Variants in BAIAP2 observed in about 807,000 individuals in gnomAD.
BAIAP2 encodes BAR/IMD domain-containing adapter protein 2.
In BAIAP2, 18 loss-of-function variants were observed where a neutral mutation model predicts 63.0. The observed-to-expected ratio is 0.29, with a 90% confidence interval of 0.20 to 0.42. The LOEUF (loss-of-function observed/expected upper bound fraction) is 0.42. BAIAP2 is among the 10% of genes least tolerant of loss of function. The pLI is 1.00. For synonymous variants in BAIAP2, 386 were observed against 307.6 expected, an observed-to-expected ratio of 1.25 and a Z score of -2.67; for missense variants, 610 against 734.3, an observed-to-expected ratio of 0.83 and a Z score of 1.96.
rs749795702 is a variant in BAIAP2, at chr17:81,116,228, A to G, written c.*389A>G. On this transcript the variant is annotated 3_prime_UTR_variant, in exon 14 of 14. Transcript: ENST00000428708. ...CTAATAAACAGGCTTCTCCTGCACC[A>G]GGTGTGATCTGTCCGCCCAAGGGCC... 2.3e-5 allele frequency: 37 copies of G among 1,612,484 alleles called. No homozygotes were observed. Among genetic ancestry groups the G allele is most frequent in the Non-Finnish European group, 3.1e-5 (36 of 1,179,872 alleles).
chr17:81,086,633 A>ACCCCTCGGCC (rs1270088089), intron 6 of BAIAP2, 53 bp downstream of exon 6: 18 of 1,602,178 alleles, frequency 1.1e-5, no homozygotes, highest in Non-Finnish European at 1.5e-5. Flanking sequence ...GGGACTGCTC[A>ACCCCTCGGCC]CCCCTCGGCC....
At chr17:81,068,681 C>T (rs903768444) in intron 3 of BAIAP2, among the ~76,000 whole-genome samples, 3 of 152,184 alleles carry the variant, frequency 2.0e-5, no homozygotes, top group Non-Finnish European at 4.4e-5. Flanking sequence ...GAGGGTGCCC[C>T]CAAGCCTGGT....
At chr17:81,089,720 G>A (rs1220713171) in intron 6 of BAIAP2, among the ~76,000 whole-genome samples, 1 of 152,302 alleles carries the variant, frequency 6.6e-6, no homozygotes, top group Non-Finnish European at 1.5e-5. Context: ...TCAGGAATGA[G>A]GGCAGCATTC....
rs568367091 is a variant in BAIAP2, at chr17:81,092,943, G to T, written c.489+6363G>T. On this transcript the variant is annotated intron_variant, in intron 6 of 13. Coordinates refer to ENST00000428708, the MANE Select transcript of BAIAP2 (RefSeq NM_001144888.2). ...AGAGGGGTGTGGCTGTGTCCACAGG[G>T]CCCGGAATGGGGCTGAGAGCAGAGC... Among the ~76,000 whole-genome samples the T allele has an allele frequency of 4.6e-5, 7 of 152,218 alleles. No homozygotes were observed. In the South Asian group the frequency reaches 1.0e-3, roughly 23 times the overall value.
Position 81,100,889 on chromosome 17 carries a change from G to C in BAIAP2, c.642+809G>C, listed in dbSNP as rs558538737. Among the ~76,000 whole-genome samples the C allele has an allele frequency of 7.9e-5, 12 of 152,220 alleles. No individual in the cohort carries two copies. The East Asian group carries it at 2.3e-3, about 29-fold the overall frequency. On this transcript the variant is annotated intron_variant, in intron 7 of 13. Transcript: ENST00000428708. ...GGTGACCTGTGCCTCTACCACCTCT[G>C]CCTGCACCCCTGAGCCACTGTGGTC...
Position 81,090,760 on chromosome 17 carries a change from C to G in BAIAP2, c.489+4180C>G, listed in dbSNP as rs1487366361. On this transcript the variant is annotated intron_variant, in intron 6 of 13. Transcript: ENST00000428708. ...CCCCGAGCTGCGGGGAGGCTGCGGC[C>G]ACCATCCTGGGGTGAGTGCCATGTG... Among the ~76,000 whole-genome samples the G allele has an allele frequency of 2.7e-5, 4 of 146,314 alleles. No individual in the cohort carries two copies. In the East Asian group the frequency reaches 8.1e-4, roughly 29 times the overall value.
intron 13 of BAIAP2, among the ~76,000 whole-genome samples, chr17:81,113,213 C>T (rs1288352422): frequency 2.6e-5 from 4 of 152,204 alleles, no homozygotes; most frequent in East Asian, 3.8e-4. Context: ...CCACACATGA[C>T]GCAGGCCCTC....
Position 81,116,317 on chromosome 17 carries a change from G to C in BAIAP2, c.*478G>C. ...TGGCTGGAAGATGAACTTCCCGTAA[G>C]CACGTAATTCCCTGCAGGTCCGGCA... is the stretch of plus-strand genomic sequence containing the variant. On this transcript the variant is annotated 3_prime_UTR_variant, in exon 14 of 14. Coordinates refer to ENST00000428708, the MANE Select transcript of BAIAP2 (RefSeq NM_001144888.2). 1.2e-6 allele frequency: 2 copies of C among 1,612,742 alleles called. No homozygotes were observed. The highest frequency in any genetic ancestry group is 1.7e-6 in the Non-Finnish European group (2 of 1,179,896).
In BAIAP2 at chr17:81,112,537, G is replaced by A. The variant is rs182315319; in HGVS notation, c.1536-3233G>A. 6.5e-4 allele frequency among the ~76,000 whole-genome samples: 99 copies of A among 152,362 alleles called. No individual in the cohort carries two copies. The East Asian group carries it at 0.013, about 20-fold the overall frequency. On this transcript the variant is annotated intron_variant, in intron 13 of 13. Transcript: ENST00000428708. ...AGTGGAGGGGCGAGCGTCCCTGGCC[G>A]CTGTCCATACTCGTCAGCGGAGGCC...
intron 7 of BAIAP2, among the ~76,000 whole-genome samples, chr17:81,101,026 CTG>C (rs2058412115): frequency 6.6e-6 from 1 of 152,128 alleles, no homozygotes; most frequent in African/African-American, 2.4e-5. Context: ...ACTCTTGGCC[CTG>C]TGTTTCCCGC....
intron 6 of BAIAP2, among the ~76,000 whole-genome samples, chr17:81,090,886 G>C (rs970490616): frequency 1.6e-4 from 25 of 152,222 alleles, no homozygotes; most frequent in African/African-American, 6.0e-4. Context: ...AACCCGGCCA[G>C]CGGGCTCTGT....
chr17:81,043,259 C>A (rs2047334561), intron 1 of BAIAP2, among the ~76,000 whole-genome samples: 1 of 152,240 alleles, frequency 6.6e-6, no homozygotes, highest in African/African-American at 2.4e-5. Flanking sequence ...CCCGTTTTTC[C>A]AGCCCCCTCT....
intron 2 of BAIAP2, among the ~76,000 whole-genome samples, chr17:81,055,629 T>C (rs1296271049): frequency 1.4e-5 from 2 of 140,238 alleles, no homozygotes; most frequent in East Asian, 2.2e-4. Flanking sequence ...GCAGTGGCGC[T>C]ATCTTGGCTC....
intron 3 of BAIAP2, among the ~76,000 whole-genome samples, chr17:81,072,580 G>A (rs766562585): frequency 1.3e-5 from 2 of 152,202 alleles, no homozygotes; most frequent in Admixed American, 6.5e-5. Context: ...GCCCCTGTCC[G>A]AGAAGGAGGC....
chr17:81,104,495 C>A lies in BAIAP2; in HGVS notation c.1067-19C>A, dbSNP rs372390539. On this transcript the variant is annotated intron_variant, in intron 9 of 13. Coordinates refer to ENST00000428708, the MANE Select transcript of BAIAP2 (RefSeq NM_001144888.2). ...CGCCAGCCAGGGGCAGTCCCCTTACCTGTCCCTTGTCCCAGCAGCCGAGAA... is the reference window on the plus strand; with the variant it reads ...CGCCAGCCAGGGGCAGTCCCCTTACATGTCCCTTGTCCCAGCAGCCGAGAA... 7.0e-6 allele frequency: 11 copies of A among 1,578,018 alleles called. No individual in the cohort carries two copies. In the African/African-American group the frequency reaches 1.1e-4, roughly 15 times the overall value.
chr17:81,080,616 T>C (rs555523627), intron 3 of BAIAP2, among the ~76,000 whole-genome samples: 1 of 152,376 alleles, frequency 6.6e-6, no homozygotes, highest in South Asian at 2.1e-4. Context: ...GATTTGTTGT[T>C]GGCTGTTGTC....
chr17:81,099,065 C>G (rs1159263818), intron 6 of BAIAP2, among the ~76,000 whole-genome samples: 1 of 149,002 alleles, frequency 6.7e-6, no homozygotes, highest in Non-Finnish European at 1.5e-5. Flanking sequence ...GCAATCAGGC[C>G]TACTTCTCAT....
intron 3 of BAIAP2, among the ~76,000 whole-genome samples, chr17:81,071,407 C>T (rs965747445): frequency 3.9e-5 from 6 of 152,138 alleles, no homozygotes; most frequent in African/African-American, 1.2e-4. Context: ...GATGAGCTCT[C>T]GAGGTGCCTT....
At chr17:81,115,674 A>G in intron 13 of BAIAP2, 96 bp from the exon 14 acceptor site, 1 of 1,434,892 alleles carries the variant, frequency 7.0e-7, no homozygotes, top group Non-Finnish European at 9.8e-7. Flanking sequence ...GTAGGCATCC[A>G]GCACTGGGGA....
Sources: allele counts gnomAD v4.1 joint callset (sites outside exome capture counted in the v4.1 genomes callset), GRCh38; gene constraint gnomAD v4.1.1; transcripts MANE v1.5; gene names NCBI Gene and HGNC (gene_info 2026-07-23, HGNC 2026-07-21).